Variants in SIL1 observed in about 807,000 individuals in gnomAD.
SIL1 encodes the protein nucleotide exchange factor SIL1.
SIL1 carries 40 observed loss-of-function variants against 49.1 expected under a neutral mutation model. The observed-to-expected ratio is 0.81, with a 90% CI of 0.63 to 1.06. The LOEUF (loss-of-function observed/expected upper bound fraction) is 1.06. SIL1 is among the 50% of genes least tolerant of loss of function. SIL1 has a pLI of 0.00. For missense variants in SIL1, 500 were observed against 572.6 expected (o/e 0.87, Z 1.29); for synonymous variants, 253 against 250.8 (o/e 1.01, Z -0.08).
chr5:138,975,448 C>T (rs537558734), intron 7 of SIL1, among the ~76,000 whole-genome samples: 1 of 152,306 alleles, frequency 6.6e-6, no homozygotes, highest in South Asian at 2.1e-4. Flanking sequence ...ACACCTGCCT[C>T]AGACAAGGGT....
chr5:139,054,830 A>G (rs1769371479), intron 3 of SIL1, among the ~76,000 whole-genome samples: 1 of 152,214 alleles, frequency 6.6e-6, no homozygotes, highest in South Asian at 2.1e-4. Context: ...CTCAAAATAC[A>G]GGTTGTGTTC....
chr5:139,029,613 C>T (rs1196901906), intron 5 of SIL1, among the ~76,000 whole-genome samples: 1 of 151,688 alleles, frequency 6.6e-6, no homozygotes, highest in Non-Finnish European at 1.5e-5. Flanking sequence ...GTGATCCTTC[C>T]ACCCCAGCGT....
At chr5:138,987,898 G>A (rs368431355) in intron 7 of SIL1, among the ~76,000 whole-genome samples, 3 of 152,318 alleles carry the variant, frequency 2.0e-5, no homozygotes, top group East Asian at 3.9e-4. Context: ...GTGCAATGGC[G>A]TGATCTCGGC....
rs909846146 is a variant in SIL1, at chr5:139,121,147, C to T, written c.132G>A (p.Glu44=). Residue 44 remains glutamate (E), a synonymous_variant, in exon 3 of 10, where the codon GAG becomes GAA. Transcript: ENST00000394817. ...TCTCTGTTTCTTTGGTGCTGCTCTT[C>T]TCTGGGTTGGTCAGGGCAAACTCCT... is the stretch of plus-strand genomic sequence containing the variant. ...NLKEFALTNP[E]KSSTKETERK... is the part of the protein sequence containing the mutation. 6 of 1,614,048 alleles carry T rather than the reference C, an allele frequency of 3.7e-6. No individual in the cohort carries two copies. In the African/African-American group the frequency reaches 8.0e-5, roughly 22 times the overall value.
Position 138,946,835 on chromosome 5 carries a change from G to C in SIL1, c.*282C>G, listed in dbSNP as rs913700009. The C allele has an allele frequency of 2.0e-6, 1 of 502,822 alleles. No individual in the cohort carries two copies. Among genetic ancestry groups the C allele is most frequent in the Non-Finnish European group, 3.6e-6 (1 of 274,730 alleles). 31.1% of individuals were successfully genotyped at this position (502,822 alleles called of 1,614,324 possible). A position where few individuals can be genotyped will look rare whatever the true frequency, so the allele number is the denominator to read the frequency against. ...GCTGCTTGGTAAGAAGCAGAGACTTGCAACTCCTGGGCCCAGGTTCCTGCC... is the reference window on the plus strand; with the variant it reads ...GCTGCTTGGTAAGAAGCAGAGACTTCCAACTCCTGGGCCCAGGTTCCTGCC... On this transcript the variant is annotated 3_prime_UTR_variant, in exon 10 of 10. Transcript: ENST00000394817.
intron 1 of SIL1, among the ~76,000 whole-genome samples, chr5:139,129,658 C>T (rs373828708): frequency 2.0e-5 from 3 of 152,224 alleles, no homozygotes; most frequent in South Asian, 2.1e-4. Context: ...GGCAACAGAG[C>T]GAGACTCCGT....
intron 4 of SIL1, among the ~76,000 whole-genome samples, chr5:139,044,010 T>A (rs190933839): frequency 6.6e-6 from 1 of 152,228 alleles, no homozygotes; most frequent in Non-Finnish European, 1.5e-5. Context: ...AGGCCTCAGC[T>A]CTCATGTACC....
chr5:139,120,408 G>A (rs1225945598), intron 3 of SIL1, among the ~76,000 whole-genome samples: 1 of 152,112 alleles, frequency 6.6e-6, no homozygotes, highest in Non-Finnish European at 1.5e-5. Context: ...GATAATAATA[G>A]TTCCTATTAT....
chr5:139,129,384 A>AGT (rs771742402), intron 1 of SIL1, among the ~76,000 whole-genome samples: 6 of 152,146 alleles, frequency 3.9e-5, no homozygotes, highest in Admixed American at 6.5e-5. Flanking sequence ...GATATCCACA[A>AGT]GTGTAAGAGT....
chr5:139,055,945 T>C (rs1769407461), intron 3 of SIL1, among the ~76,000 whole-genome samples: 1 of 152,054 alleles, frequency 6.6e-6, no homozygotes, highest in South Asian at 2.1e-4. Flanking sequence ...AGTGCCGGGA[T>C]TGCAGACAGA....
intron 3 of SIL1, among the ~76,000 whole-genome samples, chr5:139,087,920 C>T (rs1395832811): frequency 6.6e-6 from 1 of 152,134 alleles, no homozygotes; most frequent in African/African-American, 2.4e-5. Flanking sequence ...GGCTAGCATC[C>T]AGCCACCCAC....
chr5:139,090,643 G>C (rs929439892), intron 3 of SIL1, among the ~76,000 whole-genome samples: 1 of 152,112 alleles, frequency 6.6e-6, no homozygotes, highest in African/African-American at 2.4e-5. Flanking sequence ...ACAGGGTCTC[G>C]CTCTGTCGGC....
At chr5:139,126,714 TG>T (rs1286418736) in intron 2 of SIL1, among the ~76,000 whole-genome samples, 1 of 151,918 alleles carries the variant, frequency 6.6e-6, no homozygotes, top group East Asian at 1.9e-4. Flanking sequence ...CTCCACGAAG[TG>T]GGGGGAAAGG....
At chr5:138,951,045 C>T (rs1766759901) in intron 9 of SIL1, 126 bp downstream of exon 9, 5 of 1,059,962 alleles carry the variant, frequency 4.7e-6, no homozygotes, top group South Asian at 1.4e-5. Flanking sequence ...GTCTGTCTGT[C>T]CATCCATCCA....
chr5:139,091,558 A>T (rs77659459), intron 3 of SIL1, among the ~76,000 whole-genome samples: 1 of 152,374 alleles, frequency 6.6e-6, no homozygotes, highest in African/African-American at 2.4e-5. Context: ...AGGCGAGACT[A>T]GGGAAATGAA....
At chr5:139,172,374 C>T (rs1252285144) in intron 1 of SIL1, among the ~76,000 whole-genome samples, 2 of 152,170 alleles carry the variant, frequency 1.3e-5, no homozygotes, top group African/African-American at 2.4e-5. Flanking sequence ...TGGCTGATGC[C>T]TGGAATCCCA....
intron 7 of SIL1, among the ~76,000 whole-genome samples, chr5:139,006,639 AG>A (rs1476747770): frequency 1.3e-5 from 2 of 151,616 alleles, no homozygotes; most frequent in African/African-American, 4.9e-5. Context: ...TTTTTGTATA[AG>A]GTGTAAGGAA....
In SIL1 at chr5:138,947,168, G is replaced by A. The variant is rs1456965319; in HGVS notation, c.1335C>T (p.Tyr445=). The change falls in exon 10 of 10, where the codon TAC becomes TAT. Residue 445 remains tyrosine (Y), a synonymous_variant. Transcript: ENST00000394817. The surrounding 1 kb of genome is among the most constrained non-coding windows in gnomAD (Gnocchi z 4.1). ...LELQDGEDEG[Y]FQELLGSVNS... ...TGACAGAGCCCAGCAGCTCCTGGAA[G>A]TAGCCCTCGTCCTCACCATCCTGCA... The A allele has an allele frequency of 6.2e-7, 1 of 1,613,674 alleles. No homozygotes were observed. The highest frequency in any genetic ancestry group is 8.5e-7 in the Non-Finnish European group (1 of 1,179,906).
chr5:139,058,181 T>A (rs1769499054), intron 3 of SIL1, among the ~76,000 whole-genome samples: 1 of 152,236 alleles, frequency 6.6e-6, no homozygotes, highest in Admixed American at 6.5e-5. Context: ...ATGTATCATA[T>A]GATTACTTTT....
Sources: gnomAD v4.1 joint callset for allele counts (sites outside exome capture counted in the v4.1 genomes callset) on GRCh38, gnomAD v4.1.1 for gene constraint, Gnocchi (gnomAD v3.1) non-coding constraint, MANE v1.5 for transcripts, NCBI Gene and HGNC (gene_info 2026-07-23, HGNC 2026-07-21) for gene names.